The following MAML2 variants were observed in gnomAD, a reference collection of about 807,000 sequenced individuals.
MAML2 encodes the protein mastermind-like protein 2.
In MAML2, 22 loss-of-function variants were observed where a neutral mutation model predicts 96.1. The ratio of observed to expected loss-of-function variants is 0.23; its 90% CI spans 0.16 to 0.33. MAML2 has a LOEUF of 0.33. MAML2 is among the 10% of genes least tolerant of loss of function. MAML2 has a pLI of 1.00. For synonymous variants in MAML2, 561 were observed against 521.3 expected (o/e 1.08, Z -1.04); for missense variants, 1,367 against 1,392.4 (o/e 0.98, Z 0.29).
At position 96,104,876 on chromosome 11, in the gene MAML2, T is replaced by C. The variant is rs186901736; in HGVS notation, c.514-11359A>G. Among the ~76,000 whole-genome samples the C allele has an allele frequency of 1.3e-3, 202 of 152,200 alleles. 1 individual carries two copies. Among genetic ancestry groups the C allele is most frequent in the African/African-American group, 4.6e-3 (192 of 41,524 alleles). On this transcript the variant is annotated intron_variant, in intron 1 of 4. Coordinates refer to ENST00000524717, the MANE Select transcript of MAML2 (RefSeq NM_032427.4). ...GAGGGAGAAAAATATCCTGAAAACTTTCCAATTCCTAATTCCAGAACTTTG... is the reference window on the plus strand; with the variant it reads ...GAGGGAGAAAAATATCCTGAAAACTCTCCAATTCCTAATTCCAGAACTTTG...
At chr11:96,278,644 G>C (rs759966420) in intron 1 of MAML2, among the ~76,000 whole-genome samples, 14 of 152,132 alleles carry the variant, frequency 9.2e-5, no homozygotes, top group Non-Finnish European at 2.1e-4. Context: ...AAGATGAATA[G>C]GACTTTACTA....
intron 1 of MAML2, among the ~76,000 whole-genome samples, chr11:96,306,401 G>A (rs1863462026): frequency 6.6e-6 from 1 of 152,222 alleles, no homozygotes; most frequent in Non-Finnish European, 1.5e-5. Flanking sequence ...AATTAGGGCT[G>A]TGTTGACTAC....
At chr11:96,161,289 C>A (rs918761203) in intron 1 of MAML2, among the ~76,000 whole-genome samples, 16 of 152,174 alleles carry the variant, frequency 1.1e-4, no homozygotes, top group Admixed American at 6.5e-5. Context: ...AAATCAATCA[C>A]AAAGGAAATA....
At chr11:96,131,827 T>C (rs755491437) in intron 1 of MAML2, among the ~76,000 whole-genome samples, 6 of 152,034 alleles carry the variant, frequency 3.9e-5, no homozygotes, top group Admixed American at 3.9e-4. Flanking sequence ...CTGGCCAACA[T>C]GGTGAAACAC....
intron 1 of MAML2, among the ~76,000 whole-genome samples, chr11:96,123,136 GC>G (rs761906960): frequency 1.3e-5 from 2 of 152,216 alleles, no homozygotes; most frequent in South Asian, 4.1e-4. Context: ...CTGTCTTACT[GC>G]CCCCACTGCT....
chr11:96,318,231 G>C (rs1263401083), intron 1 of MAML2, among the ~76,000 whole-genome samples: 2 of 152,184 alleles, frequency 1.3e-5, no homozygotes, highest in African/African-American at 4.8e-5. Flanking sequence ...TCCAAGAAAG[G>C]TGCCACTATT....
At chr11:96,204,421 T>C (rs1861868337) in intron 1 of MAML2, among the ~76,000 whole-genome samples, 1 of 152,218 alleles carries the variant, frequency 6.6e-6, no homozygotes. Context: ...AGGCAAGTTC[T>C]GTAACAGAAA....
chr11:96,033,790 C>T (rs1045016685), intron 2 of MAML2, among the ~76,000 whole-genome samples: 4 of 151,986 alleles, frequency 2.6e-5, no homozygotes, highest in Non-Finnish European at 2.9e-5. Context: ...TCTCTCATCA[C>T]GAGATTTTTT....
At chr11:96,219,694 C>T (rs185309135) in intron 1 of MAML2, among the ~76,000 whole-genome samples, 6 of 152,200 alleles carry the variant, frequency 3.9e-5, no homozygotes, top group East Asian at 1.9e-4. Flanking sequence ...GGCACAAGCT[C>T]GGCTCACTGC....
At chr11:96,295,454 C>G (rs1472014977) in intron 1 of MAML2, among the ~76,000 whole-genome samples, 1 of 152,168 alleles carries the variant, frequency 6.6e-6, no homozygotes, top group Non-Finnish European at 1.5e-5. Context: ...TTGACGCACG[C>G]TAAGGTACTC....
intron 2 of MAML2, among the ~76,000 whole-genome samples, chr11:96,019,949 G>A (rs2135735763): frequency 6.6e-6 from 1 of 152,234 alleles, no homozygotes. Context: ...GTCCCTCTGA[G>A]TCTCCTAGCT....
At chr11:96,185,181 A>C (rs908656379) in intron 1 of MAML2, among the ~76,000 whole-genome samples, 1 of 148,300 alleles carries the variant, frequency 6.7e-6, no homozygotes, top group Non-Finnish European at 1.5e-5. Context: ...GTAGTGACAA[A>C]ACTCAGGACA....
intron 2 of MAML2, among the ~76,000 whole-genome samples, chr11:96,070,612 G>A (rs1012637354): frequency 2.0e-5 from 3 of 152,254 alleles, no homozygotes; most frequent in Non-Finnish European, 1.5e-5. Context: ...CCACTGGCGT[G>A]TCTGCCTGCA....
chr11:96,024,400 A>C (rs1195391584), intron 2 of MAML2, among the ~76,000 whole-genome samples: 3 of 152,260 alleles, frequency 2.0e-5, no homozygotes. Context: ...GGCTTAAAAC[A>C]GATCTTGCAT....
chr11:96,068,000 A>G (rs551763686), intron 2 of MAML2, among the ~76,000 whole-genome samples: 10 of 152,228 alleles, frequency 6.6e-5, no homozygotes, highest in Middle Eastern at 3.4e-3. Flanking sequence ...TTCCTGAGAG[A>G]GAGAGTTTTA....
At chr11:96,165,796 G>A (rs1861180051) in intron 1 of MAML2, among the ~76,000 whole-genome samples, 1 of 152,194 alleles carries the variant, frequency 6.6e-6, no homozygotes, top group Non-Finnish European at 1.5e-5. Flanking sequence ...TTTAAAAACA[G>A]CATTACCAAT....
intron 1 of MAML2, among the ~76,000 whole-genome samples, chr11:96,205,481 G>A (rs1861883067): frequency 6.6e-6 from 1 of 152,210 alleles, no homozygotes; most frequent in Admixed American, 6.5e-5. Flanking sequence ...CCTTCAAGAG[G>A]CTCGGGCTAA....
chr11:96,320,839 C>T (rs1363804767), intron 1 of MAML2, among the ~76,000 whole-genome samples: 2 of 151,958 alleles, frequency 1.3e-5, no homozygotes, highest in Non-Finnish European at 2.9e-5. Context: ...GGAAGTATGG[C>T]AATAAGAAAA....
intron 1 of MAML2, among the ~76,000 whole-genome samples, chr11:96,318,914 C>G (rs886703122): frequency 6.6e-6 from 1 of 152,148 alleles, no homozygotes; most frequent in African/African-American, 2.4e-5. Context: ...TGTTAAATGG[C>G]CTTTAAGATG....
Sources: gnomAD v4.1 joint callset for allele counts (sites outside exome capture counted in the v4.1 genomes callset) on GRCh38, gnomAD v4.1.1 for gene constraint, MANE v1.5 for transcripts, NCBI Gene and HGNC (gene_info 2026-07-23, HGNC 2026-07-21) for gene names.